Variants in NRG3 observed in about 807,000 individuals in gnomAD.
NRG3 encodes the protein pro-neuregulin-3, membrane-bound isoform.
Under a neutral mutation model 66.9 loss-of-function variants are expected in NRG3, and 31 were observed. That is an observed-to-expected ratio of 0.46 (90% CI 0.35 to 0.63). The LOEUF is 0.63. NRG3 is among the 20% of genes least tolerant of loss of function. The pLI, the probability that NRG3 is intolerant of heterozygous loss-of-function variation, is 0.00. For missense variants in NRG3, 910 were observed against 878.9 expected (o/e 1.04, Z -0.45); for synonymous variants, 393 against 359.4 (o/e 1.09, Z -1.06).
rs79499393 is a variant in NRG3 at position 81,985,732 on chromosome 10, A to G, written c.823+109569A>G. On this transcript the variant is annotated intron_variant, in intron 1 of 8. Transcript: ENST00000372141. ...CAAGTTTTAAGTGTGTGAATTTTCA[A>G]TGCTTCTCTTTATCCTCCATTGTGT... 7.4e-4 allele frequency among the ~76,000 whole-genome samples: 112 copies of G among 152,362 alleles called. 1 individual carries two copies. The East Asian group carries it at 0.017, about 23-fold the overall frequency.
intron 1 of NRG3, among the ~76,000 whole-genome samples, chr10:82,004,942 T>C (rs952902267): frequency 6.6e-6 from 1 of 152,228 alleles, no homozygotes; most frequent in Non-Finnish European, 1.5e-5. Context: ...ACTAAGTCTG[T>C]GGTGTTTTCT....
intron 1 of NRG3, among the ~76,000 whole-genome samples, chr10:82,136,555 T>C (rs1466250484): frequency 1.3e-5 from 2 of 152,172 alleles, no homozygotes; most frequent in Non-Finnish European, 2.9e-5. Flanking sequence ...ATACAATGTT[T>C]TTTCTACTCC....
intron 2 of NRG3, among the ~76,000 whole-genome samples, chr10:82,476,542 G>T (rs1026650982): frequency 6.6e-6 from 1 of 152,096 alleles, no homozygotes; most frequent in Admixed American, 6.5e-5. Context: ...AAGAAAATTC[G>T]AACACATGCT....
intron 1 of NRG3, among the ~76,000 whole-genome samples, chr10:82,332,510 C>T (rs1446788901): frequency 6.6e-6 from 1 of 152,162 alleles, no homozygotes; most frequent in Non-Finnish European, 1.5e-5. Flanking sequence ...AATCCTTTTG[C>T]AACACCCATG....
At chr10:82,421,632 A>G (rs1473212833) in intron 2 of NRG3, among the ~76,000 whole-genome samples, 1 of 152,102 alleles carries the variant, frequency 6.6e-6, no homozygotes, top group African/African-American at 2.4e-5. Context: ...AGCTCTGCTT[A>G]GAGAAGTTTT....
At chr10:82,778,934 C>A (rs966184172) in intron 3 of NRG3, among the ~76,000 whole-genome samples, 3 of 152,038 alleles carry the variant, frequency 2.0e-5, no homozygotes, top group African/African-American at 7.2e-5. Flanking sequence ...GGCAATGTTT[C>A]CCAAGGAGAA....
intron 1 of NRG3, among the ~76,000 whole-genome samples, chr10:82,325,784 G>A (rs530196797): frequency 2.0e-5 from 3 of 152,128 alleles, no homozygotes; most frequent in South Asian, 4.2e-4. Flanking sequence ...ACTCTGCATA[G>A]TACACTTCAC....
At chr10:82,462,889 T>A (rs1318738891) in intron 2 of NRG3, among the ~76,000 whole-genome samples, 1 of 152,186 alleles carries the variant, frequency 6.6e-6, no homozygotes, top group Non-Finnish European at 1.5e-5. Context: ...ATTTTGTTGA[T>A]GTGAAAACTG....
chr10:82,505,767 A>G (rs1466013171), intron 2 of NRG3, among the ~76,000 whole-genome samples: 2 of 152,170 alleles, frequency 1.3e-5, no homozygotes, highest in Non-Finnish European at 2.9e-5. Flanking sequence ...TCTTTTTCCA[A>G]CCTCACTTTG....
intron 2 of NRG3, among the ~76,000 whole-genome samples, chr10:82,616,980 T>A (rs2048695064): frequency 6.6e-6 from 1 of 152,206 alleles, no homozygotes; most frequent in East Asian, 1.9e-4. Flanking sequence ...ATTCTTTGGT[T>A]TGTTAAATTG....
At chr10:82,444,609 C>G (rs1056596678) in intron 2 of NRG3, among the ~76,000 whole-genome samples, 4 of 152,074 alleles carry the variant, frequency 2.6e-5, no homozygotes, top group African/African-American at 9.7e-5. Context: ...TAGAGCTAGA[C>G]AGGACCAATG....
At chr10:82,960,821 C>T (rs1437732590) in intron 6 of NRG3, among the ~76,000 whole-genome samples, 2 of 152,112 alleles carry the variant, frequency 1.3e-5, no homozygotes, top group African/African-American at 4.8e-5. Context: ...CCCCTGCCCA[C>T]CAGAGAACAA....
chr10:82,481,154 A>G (rs1842234094), intron 2 of NRG3, among the ~76,000 whole-genome samples: 1 of 152,274 alleles, frequency 6.6e-6, no homozygotes, highest in African/African-American at 2.4e-5. Flanking sequence ...ATTATGACCA[A>G]TTGGTGTCCT....
intron 1 of NRG3, among the ~76,000 whole-genome samples, chr10:82,343,713 G>C (rs2082806538): frequency 6.6e-6 from 1 of 152,086 alleles, no homozygotes; most frequent in Admixed American, 6.6e-5. Flanking sequence ...TGTATTGACT[G>C]TTAAGAAATT....
rs951945795 is a variant in NRG3, at chr10:82,924,564, C to A, written c.1055-26905C>A. 3.6e-5 allele frequency among the ~76,000 whole-genome samples: 5 copies of A among 138,410 alleles called. No individual in the cohort carries two copies. The South Asian group carries it at 9.7e-4, about 27-fold the overall frequency. 90.8% of individuals were successfully genotyped at this position (138,410 alleles called of 152,430 possible). A position where few individuals can be genotyped will look rare whatever the true frequency, so the allele number is the denominator to read the frequency against. ...TTCGAAGTCTTCTATGTACTGAAAT[C>A]AAATATCTCACATTAAAAAAAAAAA... On this transcript the variant is annotated intron_variant, in intron 4 of 8. Coordinates refer to ENST00000372141, the MANE Select transcript of NRG3 (RefSeq NM_001010848.4).
chr10:82,604,315 G>T (rs1189632752), intron 2 of NRG3, among the ~76,000 whole-genome samples: 2 of 151,940 alleles, frequency 1.3e-5, no homozygotes, highest in Non-Finnish European at 2.9e-5. Flanking sequence ...TTTCACACTG[G>T]TCTCTTTCAC....
rs185725363 is a variant in NRG3 at position 82,984,976 on chromosome 10, C to T, written c.1584-122C>T. ...GTTTAACTGGGAACCTATTATCCGTCTCATGGGGTTGCTGTGAGAATTCAG... is the reference window on the plus strand; with the variant it reads ...GTTTAACTGGGAACCTATTATCCGTTTCATGGGGTTGCTGTGAGAATTCAG... On this transcript the variant is annotated intron_variant, in intron 8 of 8. Coordinates refer to ENST00000372141, the MANE Select transcript of NRG3 (RefSeq NM_001010848.4). 6.3e-5 allele frequency: 83 copies of T among 1,325,980 alleles called. No individual in the cohort carries two copies. In the Admixed American group the frequency reaches 1.1e-3, roughly 18 times the overall value. The allele number at this position is 1,325,980 out of a possible 1,614,324, so 82.1% of individuals were successfully genotyped here. A position where few individuals can be genotyped will look rare whatever the true frequency, so the allele number is the denominator to read the frequency against.
At chr10:82,071,708 C>G (rs1046891457) in intron 1 of NRG3, among the ~76,000 whole-genome samples, 1 of 152,078 alleles carries the variant, frequency 6.6e-6, no homozygotes, top group Non-Finnish European at 1.5e-5. Flanking sequence ...CATTATTTTA[C>G]TTACATTTCA....
chr10:82,757,768 G>A (rs2059137890), intron 3 of NRG3, among the ~76,000 whole-genome samples: 1 of 152,070 alleles, frequency 6.6e-6, no homozygotes, highest in South Asian at 2.1e-4. Flanking sequence ...GCTAGAAGGA[G>A]AGGCTCAATA....
Sources: gnomAD v4.1 joint callset for allele counts (sites outside exome capture counted in the v4.1 genomes callset) on GRCh38, gnomAD v4.1.1 for gene constraint, MANE v1.5 for transcripts, NCBI Gene and HGNC (gene_info 2026-07-23, HGNC 2026-07-21) for gene names.